TRIM24: variants seen among roughly 807,000 people sequenced by gnomAD.
The protein encoded by TRIM24 is tripartite motif containing 24.
Under a neutral mutation model 123.9 loss-of-function variants are expected in TRIM24, and 29 were observed. That is an observed-to-expected ratio of 0.23 (90% CI 0.17 to 0.32). TRIM24 has a LOEUF of 0.32. Among genes scored for constraint, TRIM24 ranks in the 10% least tolerant of loss-of-function variants. The probability of loss-of-function intolerance (pLI) is 1.00; values close to 1 mark genes in which losing one functional copy is unlikely to be tolerated. For synonymous variants in TRIM24, 456 were observed against 461.1 expected, an observed-to-expected ratio of 0.99 and a Z score of 0.14; for missense variants, 932 against 1,295.3, an observed-to-expected ratio of 0.72 and a Z score of 4.31.
chr7:138,464,794 A>G (rs1795098494), intron 1 of TRIM24, among the ~76,000 whole-genome samples: 1 of 152,162 alleles, frequency 6.6e-6, no homozygotes. Context: ...TAACACCACT[A>G]AACTTTAACA....
chr7:138,555,023 G>A (rs1020798254), intron 9 of TRIM24, 57 bp downstream of exon 9: 11 of 1,525,468 alleles, frequency 7.2e-6, no homozygotes, highest in Non-Finnish European at 9.8e-6. Context: ...ATTGTGTTTA[G>A]CAGCTCAAAA....
intron 6 of TRIM24, among the ~76,000 whole-genome samples, chr7:138,533,117 A>G (rs1796783676): frequency 1.3e-5 from 2 of 152,214 alleles, no homozygotes; most frequent in Admixed American, 1.3e-4. Context: ...TTTTGGACTG[A>G]GACAATGGGG....
At chr7:138,561,381 G>A (rs1171404764) in intron 9 of TRIM24, among the ~76,000 whole-genome samples, 3 of 152,192 alleles carry the variant, frequency 2.0e-5, no homozygotes, top group African/African-American at 4.8e-5. Flanking sequence ...AATGAAGGGG[G>A]CCTCCTGGTT....
intron 9 of TRIM24, among the ~76,000 whole-genome samples, chr7:138,564,851 A>G (rs1180556846): frequency 6.6e-6 from 1 of 152,150 alleles, no homozygotes; most frequent in Non-Finnish European, 1.5e-5. Context: ...TCTTTAACAT[A>G]CATTGTAATG....
At chr7:138,524,411 T>C (rs187709031) in intron 4 of TRIM24, among the ~76,000 whole-genome samples, 4 of 152,262 alleles carry the variant, frequency 2.6e-5, no homozygotes, top group Admixed American at 2.6e-4. Flanking sequence ...GAGTTGCCTA[T>C]AAAAGTATTT....
intron 9 of TRIM24, 101 bp from the exon 10 acceptor site, chr7:138,567,380 G>T (rs1197239762): frequency 2.7e-6 from 3 of 1,102,318 alleles, no homozygotes; most frequent in African/African-American, 3.3e-5. Context: ...TTGATCTGTG[G>T]CAGAGTTCTA....
intron 16 of TRIM24, 142 bp from the exon 17 acceptor site, chr7:138,581,555 G>A (rs529320422): frequency 3.8e-5 from 25 of 649,928 alleles, no homozygotes; most frequent in East Asian, 1.7e-4. Flanking sequence ...GCAAAACTCC[G>A]AGAATCAGTA....
chr7:138,540,940 G>A (rs988936665), intron 7 of TRIM24, among the ~76,000 whole-genome samples: 4 of 152,102 alleles, frequency 2.6e-5, no homozygotes, highest in Non-Finnish European at 5.9e-5. Context: ...CCAGGTTCAA[G>A]CAATTCTCCT....
chr7:138,496,900 A>G (rs1053411032), intron 1 of TRIM24, among the ~76,000 whole-genome samples: 2 of 152,146 alleles, frequency 1.3e-5, no homozygotes, highest in Non-Finnish European at 2.9e-5. Flanking sequence ...ACGCTCAACC[A>G]GCCTTGTATT....
chr7:138,504,444 G>GTTTTTTT (rs1563036659), intron 2 of TRIM24, 36 bp downstream of exon 2: 1 of 603,602 alleles, frequency 1.7e-6, no homozygotes, highest in African/African-American at 2.2e-5. Flanking sequence ...TTGCCTGCCA[G>GTTTTTTT]CTCTTTTTTT....
chr7:138,526,627 G>T (rs536229458), intron 5 of TRIM24, among the ~76,000 whole-genome samples: 16 of 152,160 alleles, frequency 1.1e-4, no homozygotes, highest in African/African-American at 3.9e-4. Context: ...GGCCAGCCTG[G>T]TCTTGAACTA....
chr7:138,519,224 T>C lies in TRIM24; in HGVS notation c.667T>C (p.Cys223Arg), dbSNP rs1332865239. 6.2e-7 allele frequency: 1 copy of C among 1,614,216 alleles called. No individual in the cohort carries two copies. Among genetic ancestry groups the C allele is most frequent in the Non-Finnish European group, 8.5e-7 (1 of 1,180,030 alleles). The change falls in exon 4 of 19, where the codon TGT (cysteine) becomes CGT (arginine). Residue 223 changes from cysteine (C) to arginine (R), a missense_variant. By Grantham distance (180) the Cys-to-Arg change is radical. This residue lies in a region of TRIM24 where 74 missense variants were observed against 163.6 expected (regional missense o/e 0.45). Coordinates refer to ENST00000343526, the MANE Select transcript of TRIM24 (RefSeq NM_015905.3). ...TGTCACCAGCCAGCGACCAGTGTTTTGTCCTTTTCATAAAAAGGAGCAGCT... is the reference window on the plus strand; with the variant it reads ...TGTCACCAGCCAGCGACCAGTGTTTCGTCCTTTTCATAAAAAGGAGCAGCT... ...VGVTSQRPVF[C>R]PFHKKEQLKL...
intron 14 of TRIM24, among the ~76,000 whole-genome samples, chr7:138,578,561 T>TGC (rs1218926959): frequency 1.5e-3 from 145 of 99,600 alleles, no homozygotes; most frequent in African/African-American, 3.6e-3. Flanking sequence ...TGTGTGTGTG[T>TGC]GTGCGCGCAC....
rs1038762882 is a variant in TRIM24 at position 138,589,092 on chromosome 7, C to T, written c.*4141C>T. ...GCTCCTCCTTTTGAATAACCATGTA[C>T]ATATTTTTAAAAGTATTTTATAGCC... On this transcript the variant is annotated 3_prime_UTR_variant, in exon 19 of 19. Coordinates refer to ENST00000343526, the MANE Select transcript of TRIM24 (RefSeq NM_015905.3). 6.6e-6 allele frequency: 1 copy of T among 151,284 alleles called. No individual in the cohort carries two copies. The highest frequency in any genetic ancestry group is 2.4e-5 in the African/African-American group (1 of 41,290). The allele number at this position is 151,284 out of a possible 1,614,324, so 9.4% of individuals were successfully genotyped here. A position where few individuals can be genotyped will look rare whatever the true frequency, so the allele number is the denominator to read the frequency against.
At position 138,584,680 on chromosome 7, in the gene TRIM24, TATATAATCTCAGAAGTC is replaced by T. The variant is rs1351444052; in HGVS notation, c.2944-60_2944-44del. On this transcript the variant is annotated intron_variant, in intron 18 of 18. Coordinates refer to ENST00000343526, the MANE Select transcript of TRIM24 (RefSeq NM_015905.3). ...CACTTTTCAAAACAGCTCATTAATA[TATATAATCTCAGAAGTC>T]AAAAGTGTGTCCTTTTTTTACTCAT... 1.2e-5 allele frequency: 16 copies of T among 1,294,190 alleles called. No individual in the cohort carries two copies. In the Admixed American group the frequency reaches 4.1e-4, roughly 33 times the overall value. The allele number at this position is 1,294,190 out of a possible 1,614,324, so 80.2% of individuals were successfully genotyped here. A position where few individuals can be genotyped will look rare whatever the true frequency, so the allele number is the denominator to read the frequency against.
At chr7:138,532,693 C>T (rs549271195) in intron 6 of TRIM24, among the ~76,000 whole-genome samples, 25 of 152,278 alleles carry the variant, frequency 1.6e-4, no homozygotes, top group East Asian at 5.8e-4. Context: ...CTTGGCAATG[C>T]GGGCTCTTTT....
chr7:138,524,384 T>G (rs894317287), intron 4 of TRIM24, among the ~76,000 whole-genome samples: 9 of 152,130 alleles, frequency 5.9e-5, no homozygotes. Context: ...AAAAGTTTAC[T>G]AAGGTAAAAA....
chr7:138,490,683 A>T, intron 1 of TRIM24: 1 of 414,414 alleles, frequency 2.4e-6, no homozygotes, highest in Admixed American at 3.0e-5. Flanking sequence ...GTGAAGCTCC[A>T]TGAGTTTTTC....
chr7:138,482,425 TA>T (rs11350419), intron 1 of TRIM24, among the ~76,000 whole-genome samples: 10 of 152,084 alleles, frequency 6.6e-5, no homozygotes, highest in Admixed American at 1.3e-4. Flanking sequence ...GAGAAATTGA[TA>T]AAAAAAATCA....
Sources: allele counts gnomAD v4.1 joint callset (sites outside exome capture counted in the v4.1 genomes callset), GRCh38; gene constraint gnomAD v4.1.1; regional missense constraint gnomAD v4.1.1; transcripts MANE v1.5; gene names NCBI Gene and HGNC (gene_info 2026-07-23, HGNC 2026-07-21).